R3HCC1: variants seen among roughly 807,000 people sequenced by gnomAD.
The protein encoded by R3HCC1 is R3H domain and coiled-coil containing 1, also known as R3H and coiled-coil domain-containing protein 1.
A neutral mutation model predicts 40.0 loss-of-function variants in R3HCC1; 32 were observed. The observed-to-expected ratio is 0.80, with a 90% CI of 0.60 to 1.07. The LOEUF (loss-of-function observed/expected upper bound fraction) is 1.07. Among genes scored for constraint, R3HCC1 ranks in the 50% least tolerant of loss-of-function variants. R3HCC1 has a pLI of 0.00. For synonymous variants in R3HCC1, 237 were observed against 232.8 expected, an observed-to-expected ratio of 1.02 and a Z score of -0.17; for missense variants, 586 against 563.3, an observed-to-expected ratio of 1.04 and a Z score of -0.41.
At position 23,289,104 on chromosome 8, in the gene R3HCC1, G is replaced by A. The variant is rs1017160722; in HGVS notation, c.199G>A (p.Val67Ile). ...TTTTGATCTCTTGAGCAGCTTCTCC[G>A]TTGGGGAGGGCTGGAAGAGGAGGAC... Residue 67 changes from valine to isoleucine, a missense_variant, in exon 3 of 8, where the codon GTT becomes ATT. Coordinates refer to ENST00000265806, the MANE Select transcript of R3HCC1 (RefSeq NM_001136108.3). 9 of 1,536,292 alleles carry A rather than the reference G, an allele frequency of 5.9e-6. No individual in the cohort carries two copies. The highest frequency in any genetic ancestry group is 2.0e-5 in the Admixed American group (1 of 50,988).
intron 7 of R3HCC1, 60 bp downstream of exon 7, chr8:23,294,924 T>C (rs1179342584): frequency 2.6e-6 from 3 of 1,138,730 alleles, no homozygotes; most frequent in Admixed American, 2.1e-5. Flanking sequence ...CGTGCGAGCA[T>C]GTGTGTGTGT....
At chr8:23,295,465 T>C (rs1802986044) in intron 7 of R3HCC1, 1 of 457,216 alleles carries the variant, frequency 2.2e-6, no homozygotes, top group Non-Finnish European at 4.4e-6. Context: ...CCAGAAACCA[T>C]GGTGAGAGAT....
At position 23,288,340 on chromosome 8, in the gene R3HCC1, A is replaced by G. The variant is rs953385992; in HGVS notation, c.-18-166A>G. Reference sequence around the variant, plus strand: ...GAGAGCCTTGGGCAGGAGCCAGGAGACCCCTTCCCTGACCCCTGACTTGCC... The same window carrying G: ...GAGAGCCTTGGGCAGGAGCCAGGAGGCCCCTTCCCTGACCCCTGACTTGCC... On this transcript the variant is annotated intron_variant, in intron 1 of 7. Coordinates refer to ENST00000265806, the MANE Select transcript of R3HCC1 (RefSeq NM_001136108.3). 95 of 1,124,122 alleles carry G rather than the reference A, an allele frequency of 8.5e-5. No homozygotes were observed. The Middle Eastern group carries it at 9.3e-4, about 11-fold the overall frequency. 69.6% of individuals were successfully genotyped at this position (1,124,122 alleles called of 1,614,324 possible). A position where few individuals can be genotyped will look rare whatever the true frequency, so the allele number is the denominator to read the frequency against.
At chr8:23,288,474 C>T (rs1477504481) in intron 1 of R3HCC1, 32 bp from the exon 2 acceptor site, 2 of 1,534,994 alleles carry the variant, frequency 1.3e-6, no homozygotes, top group Non-Finnish European at 1.7e-6. Context: ...GGTCTGTGCT[C>T]TGATTCCCGG....
At chr8:23,288,484 G>T (rs991172242) in intron 1 of R3HCC1, 22 bp from the exon 2 acceptor site, 1 of 1,535,328 alleles carries the variant, frequency 6.5e-7, no homozygotes, top group Non-Finnish European at 8.7e-7. Context: ...CTGATTCCCG[G>T]CCCTGCCCGT....
chr8:23,290,502 C>T (rs140640788), intron 4 of R3HCC1, 33 bp downstream of exon 4: 18,718 of 1,524,536 alleles, frequency 0.012, 154 homozygotes, highest in Admixed American at 0.019. Context: ...AAAGGGAGGG[C>T]GGAGGTGAGG....
intron 3 of R3HCC1, 106 bp downstream of exon 3, chr8:23,289,259 C>A: frequency 2.3e-6 from 3 of 1,289,900 alleles, no homozygotes; most frequent in South Asian, 1.4e-5. Flanking sequence ...GGGCTGGGAC[C>A]CCCGGCTGCT....
rs1172412339 is a variant in R3HCC1, at chr8:23,296,061, A to G, written c.1287A>G (p.Lys429=). ...CCCTGGGACTCCAACACAAAAAGAA[A>G]GAGCGGCCTGCTGTCCGGGGTCCGC... Residue 429 remains lysine (K), a synonymous_variant, in exon 8 of 8, where the codon AAA becomes AAG. Transcript: ENST00000265806. The G allele has an allele frequency of 1.2e-5, 18 of 1,550,626 alleles. No homozygotes were observed. The highest frequency in any genetic ancestry group is 1.6e-5 in the Non-Finnish European group (18 of 1,146,920).
Position 23,296,184 on chromosome 8 carries a change from C to T in R3HCC1, c.*87C>T. 1 of 1,417,364 alleles carries T rather than the reference C, an allele frequency of 7.1e-7. No individual in the cohort carries two copies. The highest frequency in any genetic ancestry group is 9.3e-7 in the Non-Finnish European group (1 of 1,069,866). The allele number at this position is 1,417,364 out of a possible 1,614,324, so 87.8% of individuals were successfully genotyped here. Reference sequence around the variant, plus strand: ...AAGCCTTCACAGACGCCAGAGCAGCCCCGCACCACCCTCGAGCTTCACCAT... The same window carrying T: ...AAGCCTTCACAGACGCCAGAGCAGCTCCGCACCACCCTCGAGCTTCACCAT... On this transcript the variant is annotated 3_prime_UTR_variant, in exon 8 of 8. Coordinates refer to ENST00000265806, the MANE Select transcript of R3HCC1 (RefSeq NM_001136108.3).
chr8:23,291,344 G>T lies in R3HCC1; in HGVS notation c.853-17G>T. 10 of 1,546,264 alleles carry T rather than the reference G, an allele frequency of 6.5e-6. No individual in the cohort carries two copies. The highest frequency in any genetic ancestry group is 8.8e-6 in the Non-Finnish European group (10 of 1,142,478). ...GCGTGTCCAAGCTCCCCTTGCTAAG[G>T]GTCCGATCTCTCCTAGATCACAGAC... On this transcript the variant is annotated splice_polypyrimidine_tract_variant and intron_variant, in intron 4 of 7. Coordinates refer to ENST00000265806, the MANE Select transcript of R3HCC1 (RefSeq NM_001136108.3).
chr8:23,295,816 C>A, intron 7 of R3HCC1, 151 bp from the exon 8 acceptor site: 1 of 1,185,330 alleles, frequency 8.4e-7, no homozygotes, highest in Non-Finnish European at 1.2e-6. Flanking sequence ...CTCTCATGAG[C>A]ATCCGGCCAC....
At position 23,294,821 on chromosome 8, in the gene R3HCC1, A is replaced by T. The variant is rs15946; in HGVS notation, c.1149A>T (p.Thr383=). Reference sequence around the variant, plus strand: ...CGGTGCTCAAGATCCGGCCCCTCACACAGGGAACCAAGCAGTCAAAGCTCA... The same window carrying T: ...CGGTGCTCAAGATCCGGCCCCTCACTCAGGGAACCAAGCAGTCAAAGCTCA... Residue 383 remains threonine (T), a synonymous_variant, in exon 7 of 8, where the codon ACA becomes ACT. Transcript: ENST00000265806. 2 of 1,551,102 alleles carry T rather than the reference A, an allele frequency of 1.3e-6. No homozygotes were observed. Among genetic ancestry groups the T allele is most frequent in the African/African-American group, 2.7e-5 (2 of 73,020 alleles).
At chr8:23,291,668 G>C (rs1398571963) in intron 5 of R3HCC1, 135 bp downstream of exon 5, 1 of 1,410,372 alleles carries the variant, frequency 7.1e-7, no homozygotes, top group Non-Finnish European at 9.4e-7. Context: ...TGTTGCCTGG[G>C]CTCTGTATTC....
rs1803011954 is a variant in R3HCC1 at position 23,296,109 on chromosome 8, C to G, written c.*12C>G. ...CGCTGCCGCCCTGAGGCCTGGAGAC[C>G]CAACTGGCCTGGATCTGCGTCCCGA... On this transcript the variant is annotated 3_prime_UTR_variant, in exon 8 of 8. Coordinates refer to ENST00000265806, the MANE Select transcript of R3HCC1 (RefSeq NM_001136108.3). 4 of 1,546,318 alleles carry G rather than the reference C, an allele frequency of 2.6e-6. No homozygotes were observed. The East Asian group carries it at 9.8e-5, about 38-fold the overall frequency.
rs752203271 is a variant in R3HCC1, at chr8:23,289,050, C to T, written c.145C>T (p.Arg49Trp). The T allele has an allele frequency of 7.8e-6, 12 of 1,536,654 alleles. No individual in the cohort carries two copies. Among genetic ancestry groups the T allele is most frequent in the African/African-American group, 1.4e-5 (1 of 73,176 alleles). ...TTTCCCCCCACTCTCCAGTCGCCTCCGGTACCTGATCCATAGAACAGCAGA... is the reference window on the plus strand; with the variant it reads ...TTTCCCCCCACTCTCCAGTCGCCTCTGGTACCTGATCCATAGAACAGCAGA... Residue 49 changes from arginine (R) to tryptophan (W), a missense_variant, in exon 3 of 8, where the codon CGG becomes TGG. Transcript: ENST00000265806.
At chr8:23,291,241 C>T (rs1764330162) in intron 4 of R3HCC1, 120 bp from the exon 5 acceptor site, 2 of 1,402,864 alleles carry the variant, frequency 1.4e-6, no homozygotes, top group African/African-American at 1.4e-5. Flanking sequence ...CCTGCTGCTG[C>T]CTTTCCCAGA....
intron 5 of R3HCC1, among the ~76,000 whole-genome samples, chr8:23,292,432 G>A (rs955033951): frequency 3.9e-5 from 6 of 152,108 alleles, no homozygotes; most frequent in Non-Finnish European, 7.4e-5. Context: ...GTGAAACCCT[G>A]CCTGTCTCTA....
chr8:23,290,169 C>G lies in R3HCC1; in HGVS notation c.552C>G (p.Leu184=). 3 of 1,551,684 alleles carry G rather than the reference C, an allele frequency of 1.9e-6. No homozygotes were observed. The highest frequency in any genetic ancestry group is 2.6e-6 in the Non-Finnish European group (3 of 1,146,992). ...GAGACCCCAACTCTGATCAGGGACTCCCTGTGCTGATGACTCAGGGAACAG... is the reference window on the plus strand; with the variant it reads ...GAGACCCCAACTCTGATCAGGGACTGCCTGTGCTGATGACTCAGGGAACAG... Residue 184 remains leucine (L), a synonymous_variant, in exon 4 of 8, where the codon CTC becomes CTG. Transcript: ENST00000265806.
chr8:23,293,228 G>C (rs1378111596), intron 5 of R3HCC1, 75 bp from the exon 6 acceptor site: 3 of 1,240,462 alleles, frequency 2.4e-6, no homozygotes, highest in African/African-American at 3.0e-5. Context: ...AGGCGAGGGG[G>C]TGTGGCTGCG....
Sources: allele counts gnomAD v4.1 joint callset (sites outside exome capture counted in the v4.1 genomes callset), GRCh38; gene constraint gnomAD v4.1.1; transcripts MANE v1.5; gene names NCBI Gene and HGNC (gene_info 2026-07-23, HGNC 2026-07-21).